The following COL23A1 variants were observed in gnomAD, a reference collection of about 807,000 sequenced individuals.
COL23A1 encodes collagen type XXIII alpha 1 chain.
A neutral mutation model predicts 99.3 loss-of-function variants in COL23A1; 97 were observed. The ratio of observed to expected loss-of-function variants is 0.98; its 90% CI spans 0.83 to 1.16. The LOEUF is 1.16. Ranked by LOEUF, COL23A1 falls within the 50% of genes most tolerant of loss-of-function variation. The pLI is 0.00. For missense variants in COL23A1, 762 were observed against 757.4 expected (o/e 1.01, Z -0.07); for synonymous variants, 320 against 308.2 (o/e 1.04, Z -0.40).
intron 2 of COL23A1, among the ~76,000 whole-genome samples, chr5:178,354,941 C>T (rs997904221): frequency 2.6e-5 from 4 of 151,800 alleles, no homozygotes; most frequent in African/African-American, 7.3e-5. Flanking sequence ...GCCTGTGGTC[C>T]CAGCTACTCG....
At chr5:178,436,356 C>T (rs574275254) in intron 2 of COL23A1, among the ~76,000 whole-genome samples, 15 of 136,434 alleles carry the variant, frequency 1.1e-4, no homozygotes, top group Non-Finnish European at 1.6e-4. Context: ...TCCAGGTCAG[C>T]GGTTGTGGCG....
chr5:178,429,320 G>A lies in COL23A1; in HGVS notation c.362-122401C>T, dbSNP rs542191717. Among the ~76,000 whole-genome samples, 5 of 152,234 alleles carry A rather than the reference G, an allele frequency of 3.3e-5. No individual in the cohort carries two copies. In the East Asian group the frequency reaches 5.8e-4, roughly 18 times the overall value. On this transcript the variant is annotated intron_variant, in intron 2 of 28. Coordinates refer to ENST00000390654, the MANE Select transcript of COL23A1 (RefSeq NM_173465.4). ...GGCCTCCCCTCCACACCCCACGAGC[G>A]AAGGGCCCCTCCTCTGCCTTCCTCT...
At chr5:178,501,704 C>T (rs931803876) in intron 2 of COL23A1, among the ~76,000 whole-genome samples, 22 of 152,184 alleles carry the variant, frequency 1.4e-4, no homozygotes, top group South Asian at 6.2e-4. Context: ...TGCTGAGGTA[C>T]GCCAACACCC....
At chr5:178,266,233 G>A (rs1036008708) in intron 8 of COL23A1, among the ~76,000 whole-genome samples, 2 of 151,992 alleles carry the variant, frequency 1.3e-5, no homozygotes, top group African/African-American at 4.8e-5. Flanking sequence ...TAGAGATGGG[G>A]TTTCACCATG....
Position 178,319,003 on chromosome 5 carries a change from G to A in COL23A1, c.362-12084C>T, listed in dbSNP as rs116768032. Among the ~76,000 whole-genome samples the A allele has an allele frequency of 4.0e-3, 613 of 152,168 alleles. 5 individuals carry two copies. Among genetic ancestry groups the A allele is most frequent in the African/African-American group, 0.014 (589 of 41,488 alleles). On this transcript the variant is annotated intron_variant, in intron 2 of 28. Coordinates refer to ENST00000390654, the MANE Select transcript of COL23A1 (RefSeq NM_173465.4). ...GGTGAAGGCAGGTGCTGGCTACAAA[G>A]AAGCATGTTGCCAACGCTGGCAGCA... is the stretch of plus-strand genomic sequence containing the variant.
intron 2 of COL23A1, among the ~76,000 whole-genome samples, chr5:178,473,806 A>G (rs1171168717): frequency 6.6e-6 from 1 of 152,118 alleles, no homozygotes; most frequent in African/African-American, 2.4e-5. Flanking sequence ...GTCATCCAGC[A>G]CCCCTATGGG....
At chr5:178,558,399 C>A (rs1403554992) in intron 2 of COL23A1, among the ~76,000 whole-genome samples, 1 of 152,136 alleles carries the variant, frequency 6.6e-6, no homozygotes, top group Non-Finnish European at 1.5e-5. Flanking sequence ...TTGTGTCCCC[C>A]TTCTCCCACT....
intron 2 of COL23A1, among the ~76,000 whole-genome samples, chr5:178,355,005 T>C (rs1208859878): frequency 3.0e-4 from 44 of 148,678 alleles, no homozygotes; most frequent in African/African-American, 1.0e-3. Context: ...TTGCAGTGAG[T>C]GGAGATCATA....
intron 2 of COL23A1, among the ~76,000 whole-genome samples, chr5:178,445,771 G>A (rs1767125358): frequency 6.6e-6 from 1 of 151,922 alleles, no homozygotes; most frequent in Non-Finnish European, 1.5e-5. Context: ...TCCAGGATAT[G>A]ACACCAAAGA....
intron 19 of COL23A1, among the ~76,000 whole-genome samples, chr5:178,248,855 C>G (rs1322156640): frequency 6.6e-6 from 1 of 152,204 alleles, no homozygotes; most frequent in Non-Finnish European, 1.5e-5. Flanking sequence ...AACCACCTGG[C>G]CAACGCGCTC....
intron 2 of COL23A1, among the ~76,000 whole-genome samples, chr5:178,372,703 G>C (rs1762862115): frequency 6.6e-6 from 1 of 151,166 alleles, no homozygotes; most frequent in South Asian, 2.1e-4. Flanking sequence ...CTCCCGTGTA[G>C]CTGGGACCAC....
At chr5:178,504,895 G>A (rs1433999861) in intron 2 of COL23A1, among the ~76,000 whole-genome samples, 1 of 152,200 alleles carries the variant, frequency 6.6e-6, no homozygotes, top group African/African-American at 2.4e-5. Flanking sequence ...GGATTCTGAA[G>A]TGTTGGCTCA....
At chr5:178,264,653 GT>G (rs545757875) in intron 8 of COL23A1, among the ~76,000 whole-genome samples, 2 of 152,226 alleles carry the variant, frequency 1.3e-5, no homozygotes, top group South Asian at 4.2e-4. Flanking sequence ...TCCTGAAGAT[GT>G]TTTTTTGTTT....
intron 2 of COL23A1, among the ~76,000 whole-genome samples, chr5:178,443,519 G>A (rs987690312): frequency 6.6e-6 from 1 of 152,190 alleles, no homozygotes; most frequent in African/African-American, 2.4e-5. Flanking sequence ...GGAGTGCAGA[G>A]GCACGATCTC....
intron 1 of COL23A1, among the ~76,000 whole-genome samples, chr5:178,585,548 G>T (rs79817617): frequency 0.021 from 1,670 of 80,802 alleles, 165 homozygotes; most frequent in African/African-American, 0.051. Context: ...ACACTCCACA[G>T]CCCTGGTTGA....
chr5:178,506,143 C>T (rs1009221191), intron 2 of COL23A1, among the ~76,000 whole-genome samples: 15 of 152,230 alleles, frequency 9.9e-5, no homozygotes, highest in African/African-American at 3.6e-4. Flanking sequence ...CAAAAAACAG[C>T]ACAGGCCTGC....
Position 178,366,529 on chromosome 5 carries a change from A to G in COL23A1, c.362-59610T>C, listed in dbSNP as rs1762488499. Among the ~76,000 whole-genome samples the G allele has an allele frequency of 6.6e-6, 1 of 151,930 alleles. No homozygotes were observed. Among genetic ancestry groups the G allele is most frequent in the Admixed American group, 6.6e-5 (1 of 15,242 alleles). On this transcript the variant is annotated intron_variant, in intron 2 of 28. Transcript: ENST00000390654. The surrounding 1 kb of genome is among the most constrained non-coding windows in gnomAD (Gnocchi z 4.4). Reference sequence around the variant, plus strand: ...ACTCCCATCTGACCTTTCCAGACCAACTTCCACCCTGCCCCAACAGAGTGC... The same window carrying G: ...ACTCCCATCTGACCTTTCCAGACCAGCTTCCACCCTGCCCCAACAGAGTGC...
At chr5:178,501,343 G>A (rs1034311502) in intron 2 of COL23A1, among the ~76,000 whole-genome samples, 6 of 152,200 alleles carry the variant, frequency 3.9e-5, no homozygotes, top group African/African-American at 1.2e-4. Context: ...AGCACTTTGG[G>A]AGGCCTGGGT....
chr5:178,383,884 A>G (rs549056890), intron 2 of COL23A1, among the ~76,000 whole-genome samples: 1,897 of 152,174 alleles, frequency 0.012, 32 homozygotes, highest in African/African-American at 0.042. Flanking sequence ...GAAATAGAAA[A>G]AAAAAAAAAA....
Sources: allele counts gnomAD v4.1 joint callset (sites outside exome capture counted in the v4.1 genomes callset), GRCh38; gene constraint gnomAD v4.1.1; non-coding constraint Gnocchi (gnomAD v3.1); transcripts MANE v1.5; gene names NCBI Gene and HGNC (gene_info 2026-07-23, HGNC 2026-07-21).